The following RANBP2 variants were observed in gnomAD, a reference collection of about 807,000 sequenced individuals.
The protein encoded by RANBP2 is E3 SUMO-protein ligase RanBP2.
RANBP2 carries 57 observed loss-of-function variants against 303.6 expected under a neutral mutation model. The ratio of observed to expected loss-of-function variants is 0.19; its 90% CI spans 0.15 to 0.23. The LOEUF is 0.23. Ranked by LOEUF, RANBP2 falls within the 10% of genes least tolerant of loss-of-function variation. The pLI is 1.00. For missense variants in RANBP2, 3,138 were observed against 3,780.8 expected (o/e 0.83, Z 4.46); for synonymous variants, 1,167 against 1,301.5 (o/e 0.90, Z 2.23).
the RANBP2 span, among the ~76,000 whole-genome samples, chr2:108,976,540 C>T: frequency 6.6e-6 from 1 of 152,146 alleles, no homozygotes; most frequent in Admixed American, 6.5e-5. Context: ...GGGAGTTATC[C>T]GTTTAACCTC....
the RANBP2 span, among the ~76,000 whole-genome samples, chr2:109,067,419 CCG>C: frequency 6.6e-6 from 1 of 152,218 alleles, no homozygotes; most frequent in Admixed American, 6.5e-5. Flanking sequence ...TCTCGCAGCC[CCG>C]CCTGTGCTGT....
At chr2:109,042,420 T>C in the RANBP2 span, among the ~76,000 whole-genome samples, 7 of 152,214 alleles carry the variant, frequency 4.6e-5, no homozygotes, top group Non-Finnish European at 8.8e-5. Flanking sequence ...TGATCAGTTC[T>C]CCCTTATCAC....
chr2:109,738,324 T>TG, the RANBP2 span, among the ~76,000 whole-genome samples: 1 of 83,826 alleles, frequency 1.2e-5, no homozygotes, highest in Non-Finnish European at 3.0e-5. Flanking sequence ...ATTTATTTAT[T>TG]GTTTTTTTAT....
chr2:109,341,309 A>G, the RANBP2 span, among the ~76,000 whole-genome samples: 1 of 152,266 alleles, frequency 6.6e-6, no homozygotes, highest in Non-Finnish European at 1.5e-5. Context: ...TCGCGGATTA[A>G]ATCTATAAAG....
At chr2:109,382,580 CAG>C in the RANBP2 span, among the ~76,000 whole-genome samples, 1 of 152,220 alleles carries the variant, frequency 6.6e-6, no homozygotes, top group Non-Finnish European at 1.5e-5. Context: ...TCACCCCACA[CAG>C]AGCACCCCAG....
chr2:109,644,687 C>A, the RANBP2 span, among the ~76,000 whole-genome samples: 1 of 152,156 alleles, frequency 6.6e-6, no homozygotes, highest in African/African-American at 2.4e-5. Flanking sequence ...ACACTGTTTT[C>A]CCGGGCAGTC....
At chr2:108,788,744 TTGAG>T (rs1679391032), downstream of RANBP2, 17 of 1,443,402 alleles carry the variant, frequency 1.2e-5, no homozygotes, top group Admixed American at 2.5e-5. Context: ...AAAAAAAAAT[TTGAG>T]AGAGAAGATT....
the RANBP2 span, among the ~76,000 whole-genome samples, chr2:109,116,688 T>C: frequency 2.0e-5 from 3 of 152,320 alleles, no homozygotes; most frequent in East Asian, 3.9e-4. Flanking sequence ...CTGCGTTCCT[T>C]TGGAGGAGGA....
At chr2:109,078,098 A>AGCG in the RANBP2 span, among the ~76,000 whole-genome samples, 1 of 60,068 alleles carries the variant, frequency 1.7e-5, no homozygotes, top group Non-Finnish European at 3.0e-5. Flanking sequence ...ATATATATAT[A>AGCG]TATATATATA....
chr2:109,733,413 A>C, the RANBP2 span, among the ~76,000 whole-genome samples: 1 of 150,798 alleles, frequency 6.6e-6, no homozygotes. Context: ...TTAGGAACAG[A>C]GGGAAAATTT....
At chr2:109,093,406 TAAAA>T in the RANBP2 span, among the ~76,000 whole-genome samples, 1 of 90,724 alleles carries the variant, frequency 1.1e-5, no homozygotes. Flanking sequence ...CGGAGATTTG[TAAAA>T]AAAAAAAAAA....
At chr2:109,207,831 TTAAAC>T in the RANBP2 span, among the ~76,000 whole-genome samples, 1 of 152,210 alleles carries the variant, frequency 6.6e-6, no homozygotes, top group Non-Finnish European at 1.5e-5. Context: ...TTAAAAAAAA[TTAAAC>T]TATACCTCAT....
the RANBP2 span, among the ~76,000 whole-genome samples, chr2:108,867,204 G>A: frequency 7.2e-5 from 11 of 152,104 alleles, no homozygotes; most frequent in Non-Finnish European, 1.3e-4. Context: ...CTAGGGCCAG[G>A]GCAGTGATAA....
the RANBP2 span, among the ~76,000 whole-genome samples, chr2:109,049,019 A>T: frequency 6.6e-6 from 1 of 152,204 alleles, no homozygotes; most frequent in Non-Finnish European, 1.5e-5. Flanking sequence ...ACAACTATTA[A>T]ATGTGCTCTT....
At chr2:108,758,266 C>G (rs1292452223) in intron 17 of RANBP2, 147 bp from the exon 18 acceptor site, 9 of 1,335,526 alleles carry the variant, frequency 6.7e-6, no homozygotes, top group Non-Finnish European at 9.0e-6. Context: ...CATTGCACTC[C>G]AGCCTGGACG....
chr2:109,460,947 G>A, the RANBP2 span, among the ~76,000 whole-genome samples: 5 of 152,230 alleles, frequency 3.3e-5, no homozygotes, highest in Admixed American at 6.5e-5. Flanking sequence ...CCACTTTCAG[G>A]TGGTGCCTGC....
chr2:108,849,861 A>G, the RANBP2 span, among the ~76,000 whole-genome samples: 1 of 152,170 alleles, frequency 6.6e-6, no homozygotes, highest in Non-Finnish European at 1.5e-5. Flanking sequence ...AAGAAGCCTG[A>G]ATGCTGATGA....
the RANBP2 span, among the ~76,000 whole-genome samples, chr2:109,077,554 A>G: frequency 1.3e-5 from 2 of 150,574 alleles, no homozygotes; most frequent in African/African-American, 4.8e-5. Context: ...TACAACCCAT[A>G]TATCTGATAA....
chr2:108,919,470 T>G, the RANBP2 span, among the ~76,000 whole-genome samples: 1 of 152,192 alleles, frequency 6.6e-6, no homozygotes, highest in Admixed American at 6.5e-5. Flanking sequence ...GTGATTCTCC[T>G]GCCTCAGCCT....
Sources: allele counts gnomAD v4.1 joint callset (sites outside exome capture counted in the v4.1 genomes callset), GRCh38; gene constraint gnomAD v4.1.1; transcripts MANE v1.5; gene names NCBI Gene and HGNC (gene_info 2026-07-23, HGNC 2026-07-21).